Variants in SCLT1 observed in about 807,000 individuals in gnomAD.
SCLT1 encodes sodium channel-associated protein 1.
A neutral mutation model predicts 112.8 loss-of-function variants in SCLT1; 78 were observed. The observed-to-expected ratio is 0.69, with a 90% CI of 0.58 to 0.83. The LOEUF (loss-of-function observed/expected upper bound fraction) is 0.83, where lower values mean the gene tolerates loss of function less well. Among genes scored for constraint, SCLT1 ranks in the 40% least tolerant of loss-of-function variants. SCLT1 has a pLI of 0.00. For synonymous variants in SCLT1, 257 were observed against 254.7 expected (o/e 1.01, Z -0.09); for missense variants, 747 against 770.4 (o/e 0.97, Z 0.36).
At position 128,967,778 on chromosome 4, in the gene SCLT1, T is replaced by G. The variant is rs550993843; in HGVS notation, c.778-2460A>C. Among the ~76,000 whole-genome samples, 27 of 152,306 alleles carry G rather than the reference T, an allele frequency of 1.8e-4. No homozygotes were observed. The South Asian group carries it at 5.4e-3, about 30-fold the overall frequency. ...TTGTCAGATGCACAGTTTGCAAATATTTTTTCCCATTCTGTAGGTCGTCTG... is the reference window on the plus strand; with the variant it reads ...TTGTCAGATGCACAGTTTGCAAATAGTTTTTCCCATTCTGTAGGTCGTCTG... On this transcript the variant is annotated intron_variant, in intron 10 of 20. Transcript: ENST00000281142.
chr4:129,091,752 G>C (rs1752840689), intron 1 of SCLT1, among the ~76,000 whole-genome samples: 1 of 152,140 alleles, frequency 6.6e-6, no homozygotes, highest in African/African-American at 2.4e-5. Context: ...ACTTCAAGAG[G>C]ATTCTTGTGT....
intron 5 of SCLT1, among the ~76,000 whole-genome samples, chr4:129,006,269 GT>G (rs753237567): frequency 2.6e-5 from 4 of 152,136 alleles, no homozygotes; most frequent in Non-Finnish European, 5.9e-5. Flanking sequence ...GCCAGGTTCG[GT>G]GGCTCACACC....
chr4:128,942,909 C>T (rs1230993170), intron 17 of SCLT1, 87 bp downstream of exon 17: 2 of 902,524 alleles, frequency 2.2e-6, no homozygotes, highest in Middle Eastern at 2.8e-4. Context: ...AAAAAGGGGG[C>T]CTTAAAGATG....
chr4:129,036,568 CAAAAAT>C (rs1472827190), intron 5 of SCLT1: 1 of 151,170 alleles, frequency 6.6e-6, no homozygotes, highest in Non-Finnish European at 1.5e-5. Context: ...GGGAAAAAAA[CAAAAAT>C]AAATGAGAAA....
chr4:129,072,134 A>G (rs913620054), intron 2 of SCLT1, among the ~76,000 whole-genome samples: 3 of 152,170 alleles, frequency 2.0e-5, no homozygotes, highest in South Asian at 2.1e-4. Context: ...GAGGCTGAAG[A>G]TAGTGCCCTA....
intron 2 of SCLT1, among the ~76,000 whole-genome samples, chr4:129,075,955 G>T (rs772079030): frequency 7.2e-5 from 11 of 151,914 alleles, no homozygotes; most frequent in Non-Finnish European, 1.0e-4. Flanking sequence ...GCCCCTTCTT[G>T]GTCCATTCTT....
At chr4:129,021,356 G>C (rs1579728383) in intron 5 of SCLT1, among the ~76,000 whole-genome samples, 1 of 152,278 alleles carries the variant, frequency 6.6e-6, no homozygotes, top group East Asian at 1.9e-4. Context: ...TTGCTCCCCT[G>C]GAAAGGGGGC....
intron 18 of SCLT1, among the ~76,000 whole-genome samples, chr4:128,896,877 G>C (rs1173723225): frequency 6.6e-6 from 1 of 151,614 alleles, no homozygotes; most frequent in Non-Finnish European, 1.5e-5. Context: ...CCTGACGAAT[G>C]CACAAGCCTC....
intron 2 of SCLT1, among the ~76,000 whole-genome samples, chr4:129,059,349 C>A (rs942685870): frequency 6.6e-6 from 1 of 152,062 alleles, no homozygotes; most frequent in Non-Finnish European, 1.5e-5. Context: ...TTTTGTATAT[C>A]CTTTTGCTCC....
intron 2 of SCLT1, among the ~76,000 whole-genome samples, chr4:129,048,990 G>A (rs1423854184): frequency 6.6e-6 from 1 of 151,822 alleles, no homozygotes; most frequent in African/African-American, 2.4e-5. Flanking sequence ...ACAGGTGCTG[G>A]AGAGGATGTG....
At chr4:129,085,833 C>A (rs1254849268) in intron 1 of SCLT1, among the ~76,000 whole-genome samples, 1 of 151,734 alleles carries the variant, frequency 6.6e-6, no homozygotes, top group Non-Finnish European at 1.5e-5. Flanking sequence ...TGGAGGGGAC[C>A]AACACACACG....
intron 2 of SCLT1, among the ~76,000 whole-genome samples, chr4:129,068,007 T>C (rs890783581): frequency 2.0e-5 from 3 of 152,096 alleles, no homozygotes; most frequent in Admixed American, 2.0e-4. Flanking sequence ...CCTTTCCACC[T>C]GAGTCCCCAA....
chr4:129,077,327 T>A (rs1751552377), intron 2 of SCLT1, among the ~76,000 whole-genome samples: 1 of 152,176 alleles, frequency 6.6e-6, no homozygotes, highest in Admixed American at 6.5e-5. Context: ...AAAGACTGAA[T>A]AAAGTATGTT....
intron 5 of SCLT1, among the ~76,000 whole-genome samples, chr4:129,029,302 A>T (rs1746465263): frequency 6.6e-6 from 1 of 152,258 alleles, no homozygotes; most frequent in East Asian, 1.9e-4. Context: ...GATAGACTGG[A>T]TTAAGAAAAT....
chr4:129,042,156 A>G (rs1056615051), intron 4 of SCLT1, among the ~76,000 whole-genome samples: 2 of 152,186 alleles, frequency 1.3e-5, no homozygotes, highest in Non-Finnish European at 2.9e-5. Flanking sequence ...ATCTAAACCA[A>G]ATCCAATCAT....
intron 9 of SCLT1, among the ~76,000 whole-genome samples, chr4:128,987,009 T>A (rs1188501725): frequency 1.3e-5 from 2 of 152,174 alleles, no homozygotes; most frequent in East Asian, 3.9e-4. Context: ...CAGGGAATTA[T>A]CCCTCATCTT....
chr4:128,943,065 T>C lies in SCLT1; in HGVS notation c.1563A>G (p.Lys521=). The part of the protein sequence containing the change: ...EQRLKLQQEN[K]QLRKETESLR... ...AACTCTCAGTCTCTTTCCGTAACTGTTTATTTTCTTGCTGAAGTTTTAGCC... is the reference window on the plus strand; with the variant it reads ...AACTCTCAGTCTCTTTCCGTAACTGCTTATTTTCTTGCTGAAGTTTTAGCC... Residue 521 remains lysine, a synonymous_variant, in exon 17 of 21, where the codon AAA becomes AAG. Transcript: ENST00000281142. 1.2e-6 allele frequency: 2 copies of C among 1,613,432 alleles called. No individual in the cohort carries two copies. Among genetic ancestry groups the C allele is most frequent in the African/African-American group, 1.3e-5 (1 of 75,010 alleles).
rs973363152 is a variant in SCLT1 at position 128,994,960 on chromosome 4, G to T, written c.616-2723C>A. 1.3e-4 allele frequency among the ~76,000 whole-genome samples: 20 copies of T among 152,012 alleles called. No individual in the cohort carries two copies. The East Asian group carries it at 3.7e-3, about 28-fold the overall frequency. ...TGGATATACGGTCTGCAAATATTTT[G>T]TCCCATTCCATAGGTTGCCTTTTCA... On this transcript the variant is annotated intron_variant, in intron 8 of 20. Transcript: ENST00000281142.
rs180705024 is a variant in SCLT1, at chr4:128,935,856, T to C, written c.1829+799A>G. Among the ~76,000 whole-genome samples, 9 of 152,256 alleles carry C rather than the reference T, an allele frequency of 5.9e-5. No homozygotes were observed. In the East Asian group the frequency reaches 1.3e-3, roughly 23 times the overall value. On this transcript the variant is annotated intron_variant, in intron 18 of 20. Coordinates refer to ENST00000281142, the MANE Select transcript of SCLT1 (RefSeq NM_144643.4). ...TCTCATTCCATGACTTTAAAAATCATGTGTATGTTAATGATTCACAAGTTT... is the reference window on the plus strand; with the variant it reads ...TCTCATTCCATGACTTTAAAAATCACGTGTATGTTAATGATTCACAAGTTT...
Sources: allele counts gnomAD v4.1 joint callset (sites outside exome capture counted in the v4.1 genomes callset), GRCh38; gene constraint gnomAD v4.1.1; transcripts MANE v1.5; gene names NCBI Gene and HGNC (gene_info 2026-07-23, HGNC 2026-07-21).